The following CFAP54 variants were observed in gnomAD, a reference collection of about 807,000 sequenced individuals.
CFAP54 encodes the protein cilia and flagella associated protein 54, also known as cilia- and flagella-associated protein 54.
In CFAP54, 290 loss-of-function variants were observed where a neutral mutation model predicts 370.4. The ratio of observed to expected loss-of-function variants is 0.78; its 90% CI spans 0.71 to 0.86. The LOEUF is 0.86. Among genes scored for constraint, CFAP54 ranks in the 40% least tolerant of loss-of-function variants. The probability of loss-of-function intolerance (pLI) is 0.00; values close to 1 mark genes in which losing one functional copy is unlikely to be tolerated. For synonymous variants in CFAP54, 1,206 were observed against 1,236.5 expected, an observed-to-expected ratio of 0.98 and a Z score of 0.52; for missense variants, 3,399 against 3,528.7, an observed-to-expected ratio of 0.96 and a Z score of 0.93.
intron 32 of CFAP54, among the ~76,000 whole-genome samples, chr12:96,635,542 A>G (rs1213645061): frequency 2.0e-5 from 3 of 152,198 alleles, no homozygotes; most frequent in African/African-American, 7.2e-5. Flanking sequence ...AACATCCTGT[A>G]TAACTATAGT....
intron 63 of CFAP54, among the ~76,000 whole-genome samples, chr12:96,800,815 CT>C: frequency 6.6e-6 from 1 of 152,148 alleles, no homozygotes; most frequent in Non-Finnish European, 1.5e-5. Flanking sequence ...AAGATAAACG[CT>C]TTCATTAGCC....
At position 96,792,449 on chromosome 12, in the gene CFAP54, CA is replaced by C. The variant is rs1204297528; in HGVS notation, c.8802del (p.Gln2934HisfsTer26). 6.5e-7 allele frequency: 1 copy of C among 1,535,766 alleles called. No homozygotes were observed. The highest frequency in any genetic ancestry group is 8.7e-7 in the Non-Finnish European group (1 of 1,146,786). On this transcript the variant is annotated frameshift_variant, in exon 63 of 68. Coordinates refer to ENST00000524981, the MANE Select transcript of CFAP54 (RefSeq NM_001306084.2). LOFTEE classifies it high-confidence loss of function. ...TQASNKELCFQWYIPPLDRPP... is the reference protein window; with the variant it reads ...TQASNKELCFXWYIPPLDRPP... ...AGCTTCAAACAAAGAACTTTGCTTTCAATGGTACATTCCTCCCCTGGATAGA... is the reference window on the plus strand; with the variant it reads ...AGCTTCAAACAAAGAACTTTGCTTTCATGGTACATTCCTCCCCTGGATAGA...
At chr12:96,504,966 TCTTTCTTTCC>T (rs1231354803) in intron 3 of CFAP54, among the ~76,000 whole-genome samples, 1 of 151,688 alleles carries the variant, frequency 6.6e-6, no homozygotes, top group Non-Finnish European at 1.5e-5. Flanking sequence ...TTTCTTTCTT[TCTTTCTTTCC>T]CTTTCTTTCT....
intron 65 of CFAP54, among the ~76,000 whole-genome samples, chr12:96,822,100 T>A (rs1346794983): frequency 6.6e-6 from 1 of 152,180 alleles, no homozygotes. Flanking sequence ...ACAGAACAGG[T>A]GTTCCAATCA....
chr12:96,739,843 G>C, intron 50 of CFAP54, 113 bp from the exon 51 acceptor site: 1 of 619,698 alleles, frequency 1.6e-6, no homozygotes, highest in South Asian at 2.1e-5. Context: ...AACAGTTTTG[G>C]GGGTTGTTGG....
At chr12:96,857,407 G>T (rs545928453) in intron 66 of CFAP54, among the ~76,000 whole-genome samples, 1 of 152,034 alleles carries the variant, frequency 6.6e-6, no homozygotes, top group Non-Finnish European at 1.5e-5. Context: ...TTCTGTTCCT[G>T]CGTTAGTTTG....
rs755956280 is a variant in CFAP54, at chr12:96,630,218, G to T, written c.4215+14G>T. 1.5e-6 allele frequency: 2 copies of T among 1,311,442 alleles called. No individual in the cohort carries two copies. Among genetic ancestry groups the T allele is most frequent in the South Asian group, 2.6e-5 (2 of 75,858 alleles). 81.2% of individuals were successfully genotyped at this position (1,311,442 alleles called of 1,614,324 possible). A position where few individuals can be genotyped will look rare whatever the true frequency, so the allele number is the denominator to read the frequency against. ...GAAATTGGAAGAGTAAGTTTCCTAT[G>T]AGTTTTGAATTTTAGGTAATGAAAT... On this transcript the variant is annotated intron_variant, in intron 31 of 67. Transcript: ENST00000524981.
Position 96,748,019 on chromosome 12 carries a change from A to T in CFAP54, c.7684+3873A>T, listed in dbSNP as rs74459466. 5.1e-3 allele frequency among the ~76,000 whole-genome samples: 775 copies of T among 151,818 alleles called. 1 individual carries two copies. The highest frequency in any genetic ancestry group is 9.0e-3 in the Non-Finnish European group (612 of 67,948). On this transcript the variant is annotated intron_variant, in intron 55 of 67. Coordinates refer to ENST00000524981, the MANE Select transcript of CFAP54 (RefSeq NM_001306084.2). ...GTACTTTTCCTTTCCCAGTCTGCAG[A>T]CTCAGATATGTGGTTCCCTACTGTA...
intron 48 of CFAP54, among the ~76,000 whole-genome samples, chr12:96,711,207 A>T (rs1957610087): frequency 6.6e-6 from 1 of 152,110 alleles, no homozygotes; most frequent in Admixed American, 6.6e-5. Flanking sequence ...TTTTCATAGT[A>T]TTCCTTTATA....
At chr12:96,703,111 A>T (rs1455493426) in intron 46 of CFAP54, among the ~76,000 whole-genome samples, 1 of 152,224 alleles carries the variant, frequency 6.6e-6, no homozygotes, top group Non-Finnish European at 1.5e-5. Context: ...TACTTTTTCA[A>T]TAAAAGCTAT....
chr12:96,731,615 C>T (rs1037741865), intron 50 of CFAP54, among the ~76,000 whole-genome samples: 3 of 152,130 alleles, frequency 2.0e-5, no homozygotes, highest in Admixed American at 6.5e-5. Context: ...TGAGCCACCA[C>T]GAGCTTGACA....
intron 66 of CFAP54, among the ~76,000 whole-genome samples, chr12:96,854,598 T>C (rs1959648115): frequency 6.6e-6 from 1 of 152,116 alleles, no homozygotes. Context: ...AGAAAAAAAC[T>C]CTATAGGGAA....
At chr12:96,599,439 T>A (rs1277090752) in intron 26 of CFAP54, among the ~76,000 whole-genome samples, 1 of 152,184 alleles carries the variant, frequency 6.6e-6, no homozygotes, top group Admixed American at 6.5e-5. Context: ...TCCAAGTGTT[T>A]GCTATCGTGA....
rs1960285502 is a variant in CFAP54 at position 96,875,453 on chromosome 12, T to A, written c.*350T>A. The A allele has an allele frequency of 6.6e-6, 1 of 152,202 alleles. No homozygotes were observed. The allele number at this position is 152,202 out of a possible 1,614,324, so 9.4% of individuals were successfully genotyped here. On this transcript the variant is annotated 3_prime_UTR_variant, in exon 68 of 68. Coordinates refer to ENST00000524981, the MANE Select transcript of CFAP54 (RefSeq NM_001306084.2). ...CTCAGCTCGCTCTCATTTGTCCAGCTTATCTATTTCTTTATCAAGTTGCTT... is the reference window on the plus strand; with the variant it reads ...CTCAGCTCGCTCTCATTTGTCCAGCATATCTATTTCTTTATCAAGTTGCTT...
chr12:96,832,282 A>ATAT (rs199711001), intron 66 of CFAP54, among the ~76,000 whole-genome samples: 5 of 129,834 alleles, frequency 3.9e-5, no homozygotes, highest in South Asian at 2.3e-4. Flanking sequence ...AAAAAAAAAA[A>ATAT]ATATATATAT....
At chr12:96,644,069 G>A (rs980781350) in intron 32 of CFAP54, 109 bp from the exon 33 acceptor site, 11 of 708,434 alleles carry the variant, frequency 1.6e-5, no homozygotes, top group Middle Eastern at 3.8e-4. Context: ...ATTAGCATAA[G>A]GGCAGTCAAG....
At chr12:96,575,367 A>C (rs545355795) in intron 19 of CFAP54, among the ~76,000 whole-genome samples, 23 of 152,168 alleles carry the variant, frequency 1.5e-4, no homozygotes, top group African/African-American at 5.3e-4. Flanking sequence ...ATCCTTTGAA[A>C]CACAAATGCT....
chr12:96,720,999 G>A (rs1260445901), intron 50 of CFAP54, among the ~76,000 whole-genome samples: 1 of 150,602 alleles, frequency 6.6e-6, no homozygotes, highest in Non-Finnish European at 1.5e-5. Flanking sequence ...CAGCCTGGAT[G>A]ACAGAGCAAG....
In CFAP54 at chr12:96,651,724, G is replaced by T. The variant is rs947665733; in HGVS notation, c.5009G>T (p.Gly1670Val). The T allele has an allele frequency of 1.2e-6, 2 of 1,613,836 alleles. No individual in the cohort carries two copies. The highest frequency in any genetic ancestry group is 1.3e-5 in the African/African-American group (1 of 75,018). The change falls in exon 36 of 68, where the codon GGT becomes GTT. Residue 1670 changes from glycine to valine, a missense_variant. By Grantham distance (109) the Gly-to-Val change is moderately radical. This residue lies in a region of CFAP54 where 2,796 missense variants were observed against 2,869.7 expected (regional missense o/e 0.97). Coordinates refer to ENST00000524981, the MANE Select transcript of CFAP54 (RefSeq NM_001306084.2). ...AAAACATTTCCTATTAGCCAAGATG[G>T]TTTCCTCTGCACCTCTGTTTTACCA... ...LDKTFPISQD[G>V]FLCTSVLPFY...
Sources: allele counts gnomAD v4.1 joint callset (sites outside exome capture counted in the v4.1 genomes callset), GRCh38; gene constraint gnomAD v4.1.1; regional missense constraint gnomAD v4.1.1; transcripts MANE v1.5; gene names NCBI Gene and HGNC (gene_info 2026-07-23, HGNC 2026-07-21).